The following SLC12A7 variants were observed in gnomAD, a reference collection of about 807,000 sequenced individuals.
SLC12A7 encodes K-Cl cotransporter 4.
Under a neutral mutation model 120.6 loss-of-function variants are expected in SLC12A7, and 100 were observed. The observed-to-expected ratio is 0.83, with a 90% CI of 0.71 to 0.98. The LOEUF is 0.98. Among genes scored for constraint, SLC12A7 ranks in the 50% least tolerant of loss-of-function variants. SLC12A7 has a pLI of 0.00. For synonymous variants in SLC12A7, 760 were observed against 678.0 expected (o/e 1.12, Z -1.88); for missense variants, 1,373 against 1,548.1 (o/e 0.89, Z 1.90).
the SLC12A7 span, among the ~76,000 whole-genome samples, chr5:1,121,536 A>G: frequency 6.6e-6 from 1 of 152,200 alleles, no homozygotes; most frequent in Non-Finnish European, 1.5e-5. Context: ...GTGGAAAGAG[A>G]AGGCAGCGGC....
the SLC12A7 span, among the ~76,000 whole-genome samples, chr5:1,147,492 G>A: frequency 6.6e-6 from 1 of 151,772 alleles, no homozygotes; most frequent in Non-Finnish European, 1.5e-5. Context: ...CTGTCCTCTC[G>A]GGGCCGCCTC....
intron 3 of SLC12A7, among the ~76,000 whole-genome samples, chr5:1,090,419 G>A (rs6864667): frequency 0.53 from 80,206 of 152,072 alleles, 21,412 homozygotes; most frequent in East Asian, 0.67. Flanking sequence ...TGCTTCTGAC[G>A]GGGGCCCTGG....
At chr5:1,080,644 G>A (rs898930656) in intron 9 of SLC12A7, among the ~76,000 whole-genome samples, 8 of 152,330 alleles carry the variant, frequency 5.3e-5, no homozygotes, top group African/African-American at 7.2e-5. Flanking sequence ...GGAGACAGCC[G>A]GGGGCGTGTG....
intron 20 of SLC12A7, among the ~76,000 whole-genome samples, chr5:1,060,684 C>A (rs1313082069): frequency 6.6e-6 from 1 of 152,196 alleles, no homozygotes; most frequent in African/African-American, 2.4e-5. Flanking sequence ...CTCCCCGGGA[C>A]CCTCCGACCG....
the SLC12A7 span, among the ~76,000 whole-genome samples, chr5:1,136,387 C>T: frequency 2.1e-3 from 306 of 146,982 alleles, 4 homozygotes; most frequent in Middle Eastern, 0.011. Context: ...CGCAGACACA[C>T]GTGTGCTCAG....
intron 1 of SLC12A7, among the ~76,000 whole-genome samples, chr5:1,098,142 C>CCT (rs1741511964): frequency 2.2e-5 from 2 of 91,534 alleles, no homozygotes; most frequent in East Asian, 3.7e-4. Context: ...GCCCAGCCCC[C>CCT]ACAACCCTCT....
rs1486695546 is a variant in SLC12A7, at chr5:1,085,319, G to A, written c.830C>T (p.Ala277Val). 5.0e-6 allele frequency: 8 copies of A among 1,612,376 alleles called. No individual in the cohort carries two copies. Among genetic ancestry groups the A allele is most frequent in the Admixed American group, 1.7e-5 (1 of 59,978 alleles). ...FVGVKYVNKL[A>V]LVFLACVVLS... ...CACGACGCAGGCCAGGAAGACCAGC[G>A]CCAGCTTGTTGACATACTTGACGCC... is the stretch of plus-strand genomic sequence containing the variant. Residue 277 changes from alanine to valine, a missense_variant, in exon 7 of 24, where the codon GCG becomes GTG. Coordinates refer to ENST00000264930, the MANE Select transcript of SLC12A7 (RefSeq NM_006598.3).
At chr5:1,153,724 G>A in the SLC12A7 span, among the ~76,000 whole-genome samples, 11 of 152,258 alleles carry the variant, frequency 7.2e-5, no homozygotes, top group African/African-American at 2.2e-4. Context: ...CACACTAACC[G>A]GCGACCTGCA....
chr5:1,124,941 C>CACTA, the SLC12A7 span, among the ~76,000 whole-genome samples: 1 of 152,172 alleles, frequency 6.6e-6, no homozygotes, highest in East Asian at 1.9e-4. Context: ...GAGAAACAGA[C>CACTA]ACTACTCCAG....
At position 1,089,076 on chromosome 5, in the gene SLC12A7, A is replaced by G; in HGVS notation, c.395T>C (p.Ile132Thr). ...GCGCAGGAAGAGGATGACGCCCAGGATGTTCTGCAGGCACGGCAGGTAGAC... is the reference window on the plus strand; with the variant it reads ...GCGCAGGAAGAGGATGACGCCCAGGGTGTTCTGCAGGCACGGCAGGTAGAC... Reference protein sequence around the residue: ...IGVYLPCLQNILGVILFLRLT... With the variant: ...IGVYLPCLQNTLGVILFLRLT... Residue 132 changes from isoleucine (I) to threonine (T), a missense_variant, in exon 4 of 24, where the codon ATC becomes ACC. By Grantham distance (89) the Ile-to-Thr change is moderately conservative (BLOSUM62 -1). Transcript: ENST00000264930. 1.2e-6 allele frequency: 2 copies of G among 1,613,002 alleles called. No homozygotes were observed. The highest frequency in any genetic ancestry group is 1.7e-6 in the Non-Finnish European group (2 of 1,179,976).
rs1254071529 is a variant in SLC12A7, at chr5:1,111,968, C to A, written c.24G>T (p.Val8=). ...CGCCGTCGGCGTGAGCCTCCACGGG[C>A]ACCACGGTGAAGTTGGTGGGCATGG... MPTNFTV[V]PVEAHADGGG... Residue 8 remains valine, a synonymous_variant, in exon 1 of 24, where the codon GTG becomes GTT. Coordinates refer to ENST00000264930, the MANE Select transcript of SLC12A7 (RefSeq NM_006598.3). 1 of 1,293,046 alleles carries A rather than the reference C, an allele frequency of 7.7e-7. No homozygotes were observed. The allele number at this position is 1,293,046 out of a possible 1,614,324, so 80.1% of individuals were successfully genotyped here. A position where few individuals can be genotyped will look rare whatever the true frequency, so the allele number is the denominator to read the frequency against.
At chr5:1,108,199 C>T (rs76310640) in intron 1 of SLC12A7, among the ~76,000 whole-genome samples, 6,099 of 152,352 alleles carry the variant, frequency 0.04, 424 homozygotes, top group African/African-American at 0.14. Flanking sequence ...ACACATGGAC[C>T]CGGCCAGCTG....
intron 8 of SLC12A7, among the ~76,000 whole-genome samples, chr5:1,083,329 C>T (rs868085129): frequency 1.3e-4 from 20 of 152,210 alleles, no homozygotes; most frequent in African/African-American, 4.1e-4. Flanking sequence ...GAGCAGGTCT[C>T]GTGTACCCTG....
rs1736252167 is a variant in SLC12A7 at position 1,061,444 on chromosome 5, CGCCGTGCGGG to C, written c.2740-1003_2740-994del. On this transcript the variant is annotated intron_variant, in intron 20 of 23. Coordinates refer to ENST00000264930, the MANE Select transcript of SLC12A7 (RefSeq NM_006598.3). ...ACCCCTGCGTCTCACCCACCGCACC[CGCCGTGCGGG>C]ATCCCTGAGTCTCACCCGCCGCACC... 5.9e-5 allele frequency among the ~76,000 whole-genome samples: 3 copies of C among 50,914 alleles called. 1 individual carries two copies. The highest frequency in any genetic ancestry group is 1.4e-4 in the Non-Finnish European group (3 of 21,270). The allele number at this position is 50,914 out of a possible 152,430, so 33.4% of individuals were successfully genotyped here. A position where few individuals can be genotyped will look rare whatever the true frequency, so the allele number is the denominator to read the frequency against.
In SLC12A7 at chr5:1,052,319, T is replaced by C. The variant is rs767276232; in HGVS notation, c.*41A>G. On this transcript the variant is annotated 3_prime_UTR_variant, in exon 24 of 24. Transcript: ENST00000264930. ...GCCCAGGCCCAGGCTGCCCACGCCG[T>C]CCTCCGTGCCTGTCCCAGAGTGCCG... The C allele has an allele frequency of 6.4e-7, 1 of 1,553,772 alleles. No individual in the cohort carries two copies. Among genetic ancestry groups the C allele is most frequent in the Non-Finnish European group, 8.9e-7 (1 of 1,126,570 alleles).
intron 20 of SLC12A7, among the ~76,000 whole-genome samples, chr5:1,061,079 G>A (rs1455777109): frequency 1.2e-5 from 1 of 82,398 alleles, no homozygotes; most frequent in Non-Finnish European, 2.3e-5. Context: ...CGCACCTGCC[G>A]CATCCGCCAT....
upstream of SLC12A7, among the ~76,000 whole-genome samples, chr5:1,112,257 G>C (rs1243229476): frequency 6.6e-6 from 1 of 151,032 alleles, no homozygotes; most frequent in East Asian, 2.0e-4. Flanking sequence ...GACCATCGCA[G>C]AGCCCGCGAA....
intron 1 of SLC12A7, among the ~76,000 whole-genome samples, chr5:1,111,339 C>T (rs1343430123): frequency 6.6e-6 from 1 of 152,158 alleles, no homozygotes. Flanking sequence ...GGTGGCTGCC[C>T]CCTCCCCAGC....
chr5:1,151,814 T>G, the SLC12A7 span, among the ~76,000 whole-genome samples: 4 of 152,258 alleles, frequency 2.6e-5, no homozygotes, highest in South Asian at 6.2e-4. This position sits in a 1 kb window ranked among gnomAD's most constrained non-coding sequence, Gnocchi z 6.2. Context: ...GGCAGCCTCC[T>G]GCACACGGCT....
Sources: allele counts gnomAD v4.1 joint callset (sites outside exome capture counted in the v4.1 genomes callset), GRCh38; gene constraint gnomAD v4.1.1; non-coding constraint Gnocchi (gnomAD v3.1); transcripts MANE v1.5; gene names NCBI Gene and HGNC (gene_info 2026-07-23, HGNC 2026-07-21).